AJAP1: variants seen among roughly 807,000 people sequenced by gnomAD.
AJAP1 encodes adherens junction-associated protein 1.
In AJAP1, 5 loss-of-function variants were observed where a neutral mutation model predicts 35.0. The observed-to-expected ratio is 0.14, with a 90% CI of 0.07 to 0.30. The LOEUF (loss-of-function observed/expected upper bound fraction) is 0.30. AJAP1 is among the 10% of genes least tolerant of loss of function. The probability of loss-of-function intolerance (pLI) is 1.00; values close to 1 mark genes in which losing one functional copy is unlikely to be tolerated. For synonymous variants in AJAP1, 284 were observed against 249.3 expected (o/e 1.14, Z -1.31); for missense variants, 586 against 571.0 (o/e 1.03, Z -0.27).
chr1:4,706,250 C>T (rs1472860687), intron 1 of AJAP1, among the ~76,000 whole-genome samples: 1 of 152,172 alleles, frequency 6.6e-6, no homozygotes, highest in African/African-American at 2.4e-5. Flanking sequence ...TGTGTCTATT[C>T]TTTCTGCTTC....
intron 2 of AJAP1, among the ~76,000 whole-genome samples, chr1:4,768,236 G>A (rs1426212492): frequency 1.3e-5 from 2 of 152,240 alleles, no homozygotes; most frequent in Admixed American, 1.3e-4. Flanking sequence ...GCGCACAGTA[G>A]GTGCACAACA....
intron 1 of AJAP1, among the ~76,000 whole-genome samples, chr1:4,682,889 A>T (rs1639517239): frequency 6.6e-6 from 1 of 151,944 alleles, no homozygotes. Context: ...GATGTTGGTG[A>T]TGGTGATGGT....
chr1:4,690,503 G>A (rs968931473), intron 1 of AJAP1, among the ~76,000 whole-genome samples: 1 of 152,196 alleles, frequency 6.6e-6, no homozygotes, highest in Admixed American at 6.5e-5. Flanking sequence ...TACGGGAGAG[G>A]GGACGTCGCG....
At chr1:4,705,610 C>G (rs905409462) in intron 1 of AJAP1, among the ~76,000 whole-genome samples, 12 of 151,228 alleles carry the variant, frequency 7.9e-5, no homozygotes, top group African/African-American at 2.9e-4. Context: ...CCTGGGTACC[C>G]TGTATGAGGC....
intron 2 of AJAP1, among the ~76,000 whole-genome samples, chr1:4,746,537 C>T (rs776665858): frequency 6.6e-6 from 1 of 152,168 alleles, no homozygotes; most frequent in East Asian, 1.9e-4. Context: ...AGGCTCCCAA[C>T]ACATGGTAAC....
At chr1:4,744,594 C>T (rs1641145123) in intron 2 of AJAP1, among the ~76,000 whole-genome samples, 1 of 150,680 alleles carries the variant, frequency 6.6e-6, no homozygotes, top group Non-Finnish European at 1.5e-5. Flanking sequence ...AAGGGGCACA[C>T]ATGCACATGC....
rs1240161652 is a variant in AJAP1, at chr1:4,792,154, A to G, written c.*9669A>G. 2.0e-5 allele frequency: 3 copies of G among 152,168 alleles called. No homozygotes were observed. The highest frequency in any genetic ancestry group is 1.3e-4 in the Admixed American group (2 of 15,274). 9.4% of individuals were successfully genotyped at this position (152,168 alleles called of 1,614,324 possible). ...AGCACTTGTTATTTTTCAAAAGGAA[A>G]ACAAAAGCCTCTCTGTTTTCATGTT... On this transcript the variant is annotated 3_prime_UTR_variant, in exon 6 of 6. Transcript: ENST00000378191.
At chr1:4,695,661 C>T (rs66989617) in intron 1 of AJAP1, among the ~76,000 whole-genome samples, 28,504 of 152,070 alleles carry the variant, frequency 0.19, 2,785 homozygotes, top group South Asian at 0.3. Flanking sequence ...CTGCTGAGGC[C>T]GCTCCTGGGC....
intron 2 of AJAP1, among the ~76,000 whole-genome samples, chr1:4,729,902 C>T (rs1214677766): frequency 6.6e-6 from 1 of 152,200 alleles, no homozygotes; most frequent in East Asian, 1.9e-4. Flanking sequence ...AATAAGGTGT[C>T]ATTCTCAGGC....
intron 1 of AJAP1, among the ~76,000 whole-genome samples, chr1:4,675,527 T>A (rs1306458625): frequency 6.6e-6 from 1 of 152,214 alleles, no homozygotes; most frequent in Non-Finnish European, 1.5e-5. Flanking sequence ...CCTGGTTGAA[T>A]GACCATGTGG....
intron 2 of AJAP1, among the ~76,000 whole-genome samples, chr1:4,746,597 T>C (rs1641193714): frequency 6.6e-6 from 1 of 152,198 alleles, no homozygotes. Context: ...AATTGACCAC[T>C]CCAGGTGCCT....
At chr1:4,667,123 T>G (rs1639146665) in intron 1 of AJAP1, among the ~76,000 whole-genome samples, 1 of 152,080 alleles carries the variant, frequency 6.6e-6, no homozygotes, top group South Asian at 2.1e-4. Flanking sequence ...CCTCTGGGGC[T>G]GTGGTCTTAG....
rs138482789 is a variant in AJAP1, at chr1:4,789,266, T to A, written c.*6781T>A. ...AATCAGAACCTACGTATGCTGTAGA[T>A]AACAGTCAATTAAATGGGTTAATGT... On this transcript the variant is annotated 3_prime_UTR_variant, in exon 6 of 6. Coordinates refer to ENST00000378191, the MANE Select transcript of AJAP1 (RefSeq NM_018836.4). The surrounding 1 kb of genome is among the most constrained non-coding windows in gnomAD (Gnocchi z 4.4). 2.6e-5 allele frequency: 4 copies of A among 152,338 alleles called. No homozygotes were observed. The East Asian group carries it at 7.7e-4, about 29-fold the overall frequency. 9.4% of individuals were successfully genotyped at this position (152,338 alleles called of 1,614,324 possible).
rs760747932 is a variant in AJAP1 at position 4,712,116 on chromosome 1, G to A, written c.246G>A (p.Arg82=). The change falls in exon 2 of 6, where the codon CGG becomes CGA. Residue 82 remains arginine, a synonymous_variant. Coordinates refer to ENST00000378191, the MANE Select transcript of AJAP1 (RefSeq NM_018836.4). ...TCCCGGCCCCGGTGTGGAGCCCCCGGCCGCCCCGAGTGGAGCGGATCCACG... is the reference window on the plus strand; with the variant it reads ...TCCCGGCCCCGGTGTGGAGCCCCCGACCGCCCCGAGTGGAGCGGATCCACG... The part of the protein sequence containing the change: ...ARVPAPVWSP[R]PPRVERIHGQ... The A allele has an allele frequency of 1.7e-5, 26 of 1,541,060 alleles. No individual in the cohort carries two copies. Among genetic ancestry groups the A allele is most frequent in the Non-Finnish European group, 2.1e-5 (24 of 1,151,394 alleles).
In AJAP1 at chr1:4,689,386, C is replaced by T. The variant is rs186451701; in HGVS notation, c.30-22514C>T. On this transcript the variant is annotated intron_variant, in intron 1 of 5. Coordinates refer to ENST00000378191, the MANE Select transcript of AJAP1 (RefSeq NM_018836.4). ...TTTATTGGCAAGGAGAGTGGAGCCT[C>T]GCGCAGCCCACCCACGAGGAGGCGG... 3.6e-4 allele frequency among the ~76,000 whole-genome samples: 55 copies of T among 152,358 alleles called. 1 individual carries two copies. Among genetic ancestry groups the T allele is most frequent in the Admixed American group, 9.8e-4 (15 of 15,304 alleles).
chr1:4,748,486 G>T (rs140686657), intron 2 of AJAP1, among the ~76,000 whole-genome samples: 2 of 152,018 alleles, frequency 1.3e-5, no homozygotes, highest in African/African-American at 4.8e-5. Context: ...GGTGTCTCAC[G>T]CCTGTAATCC....
intron 1 of AJAP1, among the ~76,000 whole-genome samples, chr1:4,698,638 G>C (rs1366672925): frequency 4.6e-5 from 7 of 152,148 alleles, no homozygotes; most frequent in African/African-American, 1.2e-4. Flanking sequence ...CCTGAGGAGT[G>C]GTCATCCTTC....
intron 2 of AJAP1, among the ~76,000 whole-genome samples, chr1:4,714,288 A>C (rs929060332): frequency 2.6e-5 from 4 of 152,172 alleles, no homozygotes. Flanking sequence ...CCTCCCATGC[A>C]GCCTCTTTTG....
intron 3 of AJAP1, among the ~76,000 whole-genome samples, chr1:4,770,513 A>C (rs1452909502): frequency 6.6e-6 from 1 of 152,118 alleles, no homozygotes; most frequent in Non-Finnish European, 1.5e-5. Context: ...CACACCTGAT[A>C]AGCCCCTGAG....
Sources: gnomAD v4.1 joint callset for allele counts (sites outside exome capture counted in the v4.1 genomes callset) on GRCh38, gnomAD v4.1.1 for gene constraint, Gnocchi (gnomAD v3.1) non-coding constraint, MANE v1.5 for transcripts, NCBI Gene and HGNC (gene_info 2026-07-23, HGNC 2026-07-21) for gene names.